Variants in ACBD3 observed in about 807,000 individuals in gnomAD.
The protein encoded by ACBD3 is Golgi resident protein GCP60.
Under a neutral mutation model 66.9 loss-of-function variants are expected in ACBD3, and 30 were observed. The observed-to-expected ratio is 0.45, with a 90% CI of 0.34 to 0.61. The LOEUF is 0.61. ACBD3 is among the 20% of genes least tolerant of loss of function. The pLI, the probability that ACBD3 is intolerant of heterozygous loss-of-function variation, is 0.02. For missense variants in ACBD3, 544 were observed against 664.5 expected, an observed-to-expected ratio of 0.82 and a Z score of 1.99; for synonymous variants, 278 against 259.8, an observed-to-expected ratio of 1.07 and a Z score of -0.68.
intron 1 of ACBD3, among the ~76,000 whole-genome samples, chr1:226,172,086 C>T (rs559844740): frequency 6.7e-5 from 9 of 134,234 alleles, no homozygotes; most frequent in African/African-American, 1.1e-4. Flanking sequence ...ACCTGGGAGG[C>T]GGAGGTTGCA....
At chr1:226,152,901 G>A (rs977184759) in intron 6 of ACBD3, among the ~76,000 whole-genome samples, 1 of 152,210 alleles carries the variant, frequency 6.6e-6, no homozygotes. Context: ...CCCTCTATGG[G>A]GATTCAAGAA....
At chr1:226,146,912 G>A in intron 7 of ACBD3, 91 bp from the exon 8 acceptor site, 2 of 1,284,834 alleles carry the variant, frequency 1.6e-6, no homozygotes, top group South Asian at 2.6e-5. Flanking sequence ...TTTTTCTGGA[G>A]ACAGAGTCTT....
Position 226,186,472 on chromosome 1 carries a change from C to G in ACBD3, c.204G>C (p.Ala68=). 1 of 1,497,134 alleles carries G rather than the reference C, an allele frequency of 6.7e-7. No homozygotes were observed. The highest frequency in any genetic ancestry group is 1.3e-5 in the South Asian group (1 of 79,172). The allele number at this position is 1,497,134 out of a possible 1,614,324, so 92.7% of individuals were successfully genotyped here. A position where few individuals can be genotyped will look rare whatever the true frequency, so the allele number is the denominator to read the frequency against. ...GCTCCAGCCGCCGCGCCTCCTCCGC[C>G]GCGCCCCCAGCCGCCGCCTCCCCGG... ...PEPGEAAAGG[A]AEEARRLEQR... Residue 68 remains alanine, a synonymous_variant, in exon 1 of 8, where the codon GCG becomes GCC. Transcript: ENST00000366812.
intron 1 of ACBD3, 109 bp from the exon 2 acceptor site, chr1:226,166,109 T>C (rs902296538): frequency 2.6e-5 from 32 of 1,241,950 alleles, no homozygotes; most frequent in Middle Eastern, 2.5e-4. Context: ...CTGCCTGTAA[T>C]AGACACAAAC....
rs776280193 is a variant in ACBD3 at position 226,146,781 on chromosome 1, G to A, written c.1416C>T (p.Asn472=). Residue 472 remains asparagine, a synonymous_variant, in exon 8 of 8, where the codon AAC becomes AAT. Coordinates refer to ENST00000366812, the MANE Select transcript of ACBD3 (RefSeq NM_022735.4). ...GCACAATCTCATCCAGCAAAGGCTT[G>A]TTGGCATTCTTTTTGGCTTTCTCTT... ...GCEEKAKKNA[N]KPLLDEIVPV... 1.2e-6 allele frequency: 2 copies of A among 1,614,136 alleles called. No homozygotes were observed. Among genetic ancestry groups the A allele is most frequent in the South Asian group, 1.1e-5 (1 of 91,076 alleles).
intron 6 of ACBD3, 72 bp from the exon 7 acceptor site, chr1:226,152,691 A>C (rs534556604): frequency 1.4e-6 from 2 of 1,430,974 alleles, no homozygotes; most frequent in Admixed American, 2.0e-5. Flanking sequence ...TTTTCATAGC[A>C]CTACCTGATC....
At chr1:226,155,417 CA>C (rs66832924) in intron 5 of ACBD3, among the ~76,000 whole-genome samples, 53,880 of 107,618 alleles carry the variant, frequency 0.5, 10,281 homozygotes, top group African/African-American at 0.53. Context: ...AACTCCATCT[CA>C]AAAAAAAAAA....
intron 1 of ACBD3, among the ~76,000 whole-genome samples, chr1:226,172,027 C>T (rs1413090616): frequency 1.3e-5 from 2 of 151,482 alleles, no homozygotes; most frequent in African/African-American, 4.8e-5. Flanking sequence ...TGCTGGCGCA[C>T]ACCTATAATC....
At chr1:226,185,706 T>C (rs961950576) in intron 1 of ACBD3, among the ~76,000 whole-genome samples, 1 of 152,144 alleles carries the variant, frequency 6.6e-6, no homozygotes, top group Non-Finnish European at 1.5e-5. Flanking sequence ...CAGAAGGTAC[T>C]GTTAGGCCTT....
At chr1:226,178,814 T>C (rs907686981) in intron 1 of ACBD3, among the ~76,000 whole-genome samples, 22 of 152,274 alleles carry the variant, frequency 1.4e-4, no homozygotes, top group African/African-American at 5.3e-4. Flanking sequence ...CACCCAGCAA[T>C]TGCTAACCTA....
In ACBD3 at chr1:226,186,439, C is replaced by T; in HGVS notation, c.237G>A (p.Trp79Ter). 1.3e-6 allele frequency: 2 copies of T among 1,518,194 alleles called. No individual in the cohort carries two copies. Among genetic ancestry groups the T allele is most frequent in the Non-Finnish European group, 1.8e-6 (2 of 1,135,464 alleles). 94.0% of individuals were successfully genotyped at this position (1,518,194 alleles called of 1,614,324 possible). A position where few individuals can be genotyped will look rare whatever the true frequency, so the allele number is the denominator to read the frequency against. ...CGTACAACTCCTCCAGGCCGAAACCCCAGCGCTGCTCCAGCCGCCGCGCCT... is the reference window on the plus strand; with the variant it reads ...CGTACAACTCCTCCAGGCCGAAACCTCAGCGCTGCTCCAGCCGCCGCGCCT... ...AEEARRLEQR[W>*]GFGLEELYGL... The change falls in exon 1 of 8, where the codon TGG (tryptophan) becomes TGA (stop). Residue 79 changes from tryptophan (W) to a stop codon, truncating the protein, a stop_gained. Coordinates refer to ENST00000366812, the MANE Select transcript of ACBD3 (RefSeq NM_022735.4). LOFTEE classifies it high-confidence loss of function.
In ACBD3 at chr1:226,186,412, G is replaced by T; in HGVS notation, c.264C>A (p.Gly88=). The T allele has an allele frequency of 6.6e-7, 1 of 1,524,028 alleles. No homozygotes were observed. Among genetic ancestry groups the T allele is most frequent in the Non-Finnish European group, 8.8e-7 (1 of 1,136,570 alleles). The allele number at this position is 1,524,028 out of a possible 1,614,324, so 94.4% of individuals were successfully genotyped here. The change falls in exon 1 of 8, where the codon GGC becomes GGA. Residue 88 remains glycine, a synonymous_variant. Coordinates refer to ENST00000366812, the MANE Select transcript of ACBD3 (RefSeq NM_022735.4). Reference sequence around the variant, plus strand: ...CACCTTTGAAGAAGCGCAGTGCCAGGCCGTACAACTCCTCCAGGCCGAAAC... The same window carrying T: ...CACCTTTGAAGAAGCGCAGTGCCAGTCCGTACAACTCCTCCAGGCCGAAAC... The part of the protein sequence containing the change: ...RWGFGLEELY[G]LALRFFKEKD...
chr1:226,152,180 A>G (rs1576229581), intron 7 of ACBD3, among the ~76,000 whole-genome samples, 155 bp downstream of exon 7: 1 of 152,234 alleles, frequency 6.6e-6, no homozygotes, highest in East Asian at 1.9e-4. Context: ...GCCTGGCCTC[A>G]TAACATTTTC....
intron 3 of ACBD3, among the ~76,000 whole-genome samples, chr1:226,162,727 CTAACTCCTA>C (rs1659794163): frequency 6.6e-6 from 1 of 152,022 alleles, no homozygotes; most frequent in Admixed American, 6.6e-5. Context: ...TTTCTCCCCT[CTAACTCCTA>C]TAAGTGATTA....
rs149492799 is a variant in ACBD3 at position 226,159,298 on chromosome 1, G to A, written c.789C>T (p.Ala263=). Residue 263 remains alanine, a synonymous_variant, in exon 5 of 8, where the codon GCC becomes GCT. Coordinates refer to ENST00000366812, the MANE Select transcript of ACBD3 (RefSeq NM_022735.4). The part of the protein sequence containing the change: ...QTAVQFQQYA[A]QQYPGNYEQQ... ...GTTCGTAGTTCCCTGGATACTGTTGGGCTGCATACTGCTGGAACTGCACGG... is the reference window on the plus strand; with the variant it reads ...GTTCGTAGTTCCCTGGATACTGTTGAGCTGCATACTGCTGGAACTGCACGG... 1.2e-5 allele frequency: 19 copies of A among 1,614,038 alleles called. No homozygotes were observed. The African/African-American group carries it at 1.9e-4, about 16-fold the overall frequency.
At chr1:226,169,037 A>G (rs961305128) in intron 1 of ACBD3, among the ~76,000 whole-genome samples, 6 of 151,104 alleles carry the variant, frequency 4.0e-5, no homozygotes, top group African/African-American at 1.2e-4. Context: ...TAGTTTTTAT[A>G]TTTTTAGCAG....
In ACBD3 at chr1:226,186,480, C is replaced by A; in HGVS notation, c.196G>T (p.Gly66Trp). The A allele has an allele frequency of 6.7e-7, 1 of 1,492,100 alleles. No individual in the cohort carries two copies. Among genetic ancestry groups the A allele is most frequent in the African/African-American group, 1.5e-5 (1 of 68,464 alleles). The allele number at this position is 1,492,100 out of a possible 1,614,324, so 92.4% of individuals were successfully genotyped here. ...CGCCGCGCCTCCTCCGCCGCGCCCC[C>A]AGCCGCCGCCTCCCCGGGCTCGGGC... ...EQPEPGEAAA[G>W]GAAEEARRLE... Residue 66 changes from glycine to tryptophan, a missense_variant, in exon 1 of 8, where the codon GGG (glycine) becomes TGG (tryptophan). Coordinates refer to ENST00000366812, the MANE Select transcript of ACBD3 (RefSeq NM_022735.4).
chr1:226,164,436 G>A (rs1339282460), intron 3 of ACBD3, among the ~76,000 whole-genome samples: 5 of 152,152 alleles, frequency 3.3e-5, no homozygotes. Flanking sequence ...CTAGAAGCTC[G>A]AGGGAGACTG....
At chr1:226,161,412 C>T in intron 4 of ACBD3, 119 bp downstream of exon 4, 1 of 1,425,522 alleles carries the variant, frequency 7.0e-7, no homozygotes, top group Non-Finnish European at 9.5e-7. Context: ...CCCGCCTCCG[C>T]CTCCCAAAGT....
Sources: gnomAD v4.1 joint callset for allele counts (sites outside exome capture counted in the v4.1 genomes callset) on GRCh38, gnomAD v4.1.1 for gene constraint, MANE v1.5 for transcripts, NCBI Gene and HGNC (gene_info 2026-07-23, HGNC 2026-07-21) for gene names.